Variants in RERE observed in about 807,000 individuals in gnomAD.
RERE encodes arginine-glutamic acid dipeptide repeats, also known as arginine-glutamic acid dipeptide repeats protein.
Under a neutral mutation model 146.1 loss-of-function variants are expected in RERE, and 40 were observed. That is an observed-to-expected ratio of 0.27 (90% CI 0.21 to 0.36). The LOEUF (loss-of-function observed/expected upper bound fraction) is 0.36, where lower values mean the gene tolerates loss of function less well. Among genes scored for constraint, RERE ranks in the 10% least tolerant of loss-of-function variants. RERE has a pLI of 1.00. For synonymous variants in RERE, 1,003 were observed against 866.0 expected, an observed-to-expected ratio of 1.16 and a Z score of -2.78; for missense variants, 1,933 against 2,138.7, an observed-to-expected ratio of 0.90 and a Z score of 1.90.
chr1:8,392,680 C>T (rs1037025597), intron 12 of RERE, among the ~76,000 whole-genome samples: 7 of 152,132 alleles, frequency 4.6e-5, no homozygotes, highest in Admixed American at 6.5e-5. Flanking sequence ...GACGTGGAGG[C>T]CCTCAAGAGA....
At chr1:8,802,671 T>C (rs895075267) in intron 1 of RERE, among the ~76,000 whole-genome samples, 5 of 152,338 alleles carry the variant, frequency 3.3e-5, no homozygotes, top group Admixed American at 1.3e-4. Context: ...TAGTACTCAG[T>C]TGTGTACATG....
intron 4 of RERE, among the ~76,000 whole-genome samples, chr1:8,612,668 A>G (rs569387244): frequency 2.0e-5 from 3 of 152,374 alleles, no homozygotes; most frequent in Non-Finnish European, 4.4e-5. Context: ...ACAGTAAATA[A>G]AAGTATTAAT....
chr1:8,672,629 G>GA (rs1173906675), intron 1 of RERE, among the ~76,000 whole-genome samples: 1 of 152,182 alleles, frequency 6.6e-6, no homozygotes, highest in Non-Finnish European at 1.5e-5. Context: ...AGGAAACTAT[G>GA]AAAAAGCAAA....
At chr1:8,624,591 A>C (rs1440841213) in intron 2 of RERE, among the ~76,000 whole-genome samples, 1 of 152,246 alleles carries the variant, frequency 6.6e-6, no homozygotes, top group Non-Finnish European at 1.5e-5. Context: ...AATAATTTAA[A>C]GAATCTGATG....
intron 1 of RERE, among the ~76,000 whole-genome samples, chr1:8,701,393 C>T (rs944265971): frequency 6.6e-6 from 1 of 151,780 alleles, no homozygotes; most frequent in Admixed American, 6.6e-5. Context: ...TGTAACATAT[C>T]CTATACGCTA....
At chr1:8,535,942 C>A (rs945701559) in intron 7 of RERE, among the ~76,000 whole-genome samples, 11 of 151,876 alleles carry the variant, frequency 7.2e-5, no homozygotes, top group African/African-American at 2.7e-4. Context: ...CCCCTCTCTA[C>A]TAAAAATACA....
intron 1 of RERE, among the ~76,000 whole-genome samples, chr1:8,794,675 T>C (rs985358447): frequency 1.3e-5 from 2 of 151,852 alleles, no homozygotes; most frequent in East Asian, 1.9e-4. Context: ...GGTGGGTGGA[T>C]TGCATAAGCC....
intron 1 of RERE, among the ~76,000 whole-genome samples, chr1:8,673,531 G>A (rs1221264194): frequency 6.6e-6 from 1 of 152,012 alleles, no homozygotes; most frequent in Non-Finnish European, 1.5e-5. Context: ...GCCTACCTGG[G>A]AATAAAAAAG....
chr1:8,360,357 C>T lies in RERE; in HGVS notation c.3150G>A (p.Pro1050=), dbSNP rs370078343. 1.6e-5 allele frequency: 21 copies of T among 1,325,094 alleles called. No individual in the cohort carries two copies. The highest frequency in any genetic ancestry group is 1.1e-4 in the Admixed American group (4 of 35,634). The allele number at this position is 1,325,094 out of a possible 1,614,324, so 82.1% of individuals were successfully genotyped here. Residue 1050 remains proline (P), a synonymous_variant, in exon 18 of 23, where the codon CCG becomes CCA. Transcript: ENST00000400908. Reference sequence around the variant, plus strand: ...GTGGGGTAGAGGTGGAGGGGCAGGTCGGAGGGGTGATGGGAGGAGGGCCTC... The same window carrying T: ...GTGGGGTAGAGGTGGAGGGGCAGGTTGGAGGGGTGATGGGAGGAGGGCCTC... ...VPGGPPPITP[P]TCPSTSTPPA...
Position 8,464,136 on chromosome 1 carries a change from G to C in RERE, c.1203+1789C>G, listed in dbSNP as rs539202198. 2.6e-5 allele frequency among the ~76,000 whole-genome samples: 4 copies of C among 152,092 alleles called. No individual in the cohort carries two copies. The East Asian group carries it at 7.7e-4, about 29-fold the overall frequency. On this transcript the variant is annotated intron_variant, in intron 11 of 22. Coordinates refer to ENST00000400908, the MANE Select transcript of RERE (RefSeq NM_001042681.2). ...ATGTTTCTTTCTCTTTAATAATAAC[G>C]TTAAGATTTTTATGGTTTTGTTTGT...
At chr1:8,365,271 T>C (rs113309494) in intron 13 of RERE, among the ~76,000 whole-genome samples, 157 of 152,266 alleles carry the variant, frequency 1.0e-3, no homozygotes, top group African/African-American at 3.3e-3. Context: ...AGGTTCAGCG[T>C]CCCGGGCCAG....
chr1:8,762,959 T>C (rs1640782601), intron 1 of RERE, among the ~76,000 whole-genome samples: 1 of 152,110 alleles, frequency 6.6e-6, no homozygotes, highest in Non-Finnish European at 1.5e-5. Context: ...AAAAAAAAAT[T>C]ATCACAGTCC....
Position 8,354,909 on chromosome 1 carries a change from T to C in RERE, c.*178A>G, listed in dbSNP as rs1641225936. ...GGAGATCCAAACCAGTCTCAGGAAA[T>C]CCTCTCGACAAACGAACACTACTAT... is the stretch of plus-strand genomic sequence containing the variant. On this transcript the variant is annotated 3_prime_UTR_variant, in exon 23 of 23. Transcript: ENST00000400908. 8.2e-6 allele frequency: 5 copies of C among 610,576 alleles called. No individual in the cohort carries two copies. The East Asian group carries it at 1.4e-4, about 17-fold the overall frequency. 37.8% of individuals were successfully genotyped at this position (610,576 alleles called of 1,614,324 possible).
chr1:8,677,445 GAAAGA>G (rs1456319730), intron 1 of RERE, among the ~76,000 whole-genome samples: 1 of 95,444 alleles, frequency 1.0e-5, no homozygotes, highest in East Asian at 3.2e-4. Flanking sequence ...AAAAAAGAAA[GAAAGA>G]AAAGAAAAAA....
intron 9 of RERE, among the ~76,000 whole-genome samples, chr1:8,495,604 G>A (rs930918983): frequency 2.6e-5 from 4 of 152,136 alleles, no homozygotes; most frequent in African/African-American, 7.2e-5. Flanking sequence ...GAGCCATCAC[G>A]CCCAGACCAA....
intron 12 of RERE, among the ~76,000 whole-genome samples, chr1:8,379,322 C>T (rs1642365712): frequency 6.6e-6 from 1 of 152,064 alleles, no homozygotes; most frequent in Non-Finnish European, 1.5e-5. Flanking sequence ...CATGAAGCTG[C>T]GACCGGGGAA....
rs548075266 is a variant in RERE at position 8,559,280 on chromosome 1, CAAAAAAAAAA to C, written c.523-1767_523-1758del. 9.9e-4 allele frequency among the ~76,000 whole-genome samples: 12 copies of C among 12,076 alleles called. No individual in the cohort carries two copies. In the East Asian group the frequency reaches 0.029, roughly 29 times the overall value. 7.9% of individuals were successfully genotyped at this position (12,076 alleles called of 152,430 possible). A position where few individuals can be genotyped will look rare whatever the true frequency, so the allele number is the denominator to read the frequency against. On this transcript the variant is annotated intron_variant, in intron 4 of 22. Transcript: ENST00000400908. ...GGGCAACAAGAGCAAAACTCCAGCT[CAAAAAAAAAA>C]AAAAAAAAAAAAAACAGAACAAAAC...
Position 8,508,607 on chromosome 1 carries a change from G to A in RERE, c.879+20C>T, listed in dbSNP as rs77037803. 2,620 of 1,583,482 alleles carry A rather than the reference G, an allele frequency of 1.7e-3. 40 individuals are homozygous for A. The African/African-American group carries it at 0.03, about 18-fold the overall frequency. ...TAAGAAACAAAAACCTATTAAGGAAGCTATGAAAATGAACTTCACCTGATG... is the reference window on the plus strand; with the variant it reads ...TAAGAAACAAAAACCTATTAAGGAAACTATGAAAATGAACTTCACCTGATG... On this transcript the variant is annotated intron_variant, in intron 8 of 22. Transcript: ENST00000400908.
intron 12 of RERE, 25 bp downstream of exon 12, chr1:8,422,702 T>C (rs749691432): frequency 6.4e-7 from 1 of 1,551,770 alleles, no homozygotes; most frequent in South Asian, 1.1e-5. Context: ...AAAAATCAAG[T>C]TACATAAAGT....
Sources: gnomAD v4.1 joint callset for allele counts (sites outside exome capture counted in the v4.1 genomes callset) on GRCh38, gnomAD v4.1.1 for gene constraint, MANE v1.5 for transcripts, NCBI Gene and HGNC (gene_info 2026-07-23, HGNC 2026-07-21) for gene names.